PCDH10: variants seen among roughly 807,000 people sequenced by gnomAD.
PCDH10 encodes the protein protocadherin 10.
PCDH10 carries 15 observed loss-of-function variants against 74.4 expected under a neutral mutation model. That is an observed-to-expected ratio of 0.20 (90% confidence interval 0.13 to 0.31). The LOEUF is 0.31. Among genes scored for constraint, PCDH10 ranks in the 10% least tolerant of loss-of-function variants. The pLI is 1.00. For synonymous variants in PCDH10, 619 were observed against 589.8 expected, an observed-to-expected ratio of 1.05 and a Z score of -0.72; for missense variants, 1,260 against 1,390.2, an observed-to-expected ratio of 0.91 and a Z score of 1.49.
intron 1 of PCDH10, chr4:133,153,988 G>A (rs181638509): frequency 1.3e-4 from 31 of 247,608 alleles, no homozygotes; most frequent in Non-Finnish European, 1.9e-4. Flanking sequence ...ATATAAACAG[G>A]TTGACTCTGT....
chr4:133,155,090 G>A, intron 3 of PCDH10, 67 bp downstream of exon 3: 2 of 1,096,812 alleles, frequency 1.8e-6, no homozygotes, highest in Non-Finnish European at 2.8e-6. Flanking sequence ...AATAAACGTA[G>A]GAAGGATGAT....
At chr4:133,170,976 A>G (rs1727189939) in intron 4 of PCDH10, among the ~76,000 whole-genome samples, 1 of 151,484 alleles carries the variant, frequency 6.6e-6, no homozygotes, top group Non-Finnish European at 1.5e-5. Context: ...TCGCCCAGGT[A>G]GTCTATTTTT....
intron 4 of PCDH10, chr4:133,164,073 T>G (rs1217017214): frequency 2.4e-5 from 11 of 453,798 alleles, no homozygotes; most frequent in African/African-American, 6.0e-5. Context: ...TGGTGTTTTA[T>G]GAAGGATTGT....
chr4:133,172,357 T>C (rs10031568), intron 4 of PCDH10, among the ~76,000 whole-genome samples: 77,833 of 151,742 alleles, frequency 0.51, 20,439 homozygotes, highest in African/African-American at 0.61. Context: ...ACATATACTA[T>C]TTATATTCCC....
chr4:133,183,541 C>A (rs761892841), intron 4 of PCDH10, among the ~76,000 whole-genome samples: 18 of 152,082 alleles, frequency 1.2e-4, no homozygotes, highest in Non-Finnish European at 1.3e-4. Flanking sequence ...GCTGTTAAGT[C>A]TTTTGCATAG....
chr4:133,205,946 A>G (rs953864598), intron 2 of PCDH10, among the ~76,000 whole-genome samples: 1 of 152,080 alleles, frequency 6.6e-6, no homozygotes, highest in Non-Finnish European at 1.5e-5. Flanking sequence ...ATTATGTTAG[A>G]GACTTTTCTT....
intron 4 of PCDH10, among the ~76,000 whole-genome samples, chr4:133,164,889 A>T (rs1006628139): frequency 6.7e-6 from 1 of 150,210 alleles, no homozygotes; most frequent in Non-Finnish European, 1.5e-5. Context: ...AAAAATCAAA[A>T]GAATGCATCT....
At chr4:133,158,983 A>G (rs1420377695) in intron 3 of PCDH10, among the ~76,000 whole-genome samples, 2 of 152,116 alleles carry the variant, frequency 1.3e-5, no homozygotes, top group African/African-American at 4.8e-5. Flanking sequence ...AGTTATGTTA[A>G]TAACTATCTG....
Position 133,192,821 on chromosome 4 carries a change from G to C in PCDH10, c.*2661G>C, listed in dbSNP as rs1367158626. ...GTTAAAATGTTTTCTTCCAATGAGG[G>C]GGACTATAAAATGGAAAGTGCAACC... On this transcript the variant is annotated 3_prime_UTR_variant, in exon 5 of 5. Coordinates refer to ENST00000264360, the MANE Select transcript of PCDH10 (RefSeq NM_032961.3). 1 of 151,354 alleles carries C rather than the reference G, an allele frequency of 6.6e-6. No homozygotes were observed. Among genetic ancestry groups the C allele is most frequent in the Non-Finnish European group, 1.5e-5 (1 of 67,572 alleles). The allele number at this position is 151,354 out of a possible 1,614,324, so 9.4% of individuals were successfully genotyped here. A position where few individuals can be genotyped will look rare whatever the true frequency, so the allele number is the denominator to read the frequency against.
In PCDH10 at chr4:133,200,714, A is replaced by G. The variant is rs1353769593; in HGVS notation, n.438-7362A>G. Among the ~76,000 whole-genome samples, 11 of 152,278 alleles carry G rather than the reference A, an allele frequency of 7.2e-5. No homozygotes were observed. In the South Asian group the frequency reaches 8.3e-4, roughly 11 times the overall value. The stretch of plus-strand genomic sequence containing the variant: ...AAGAAAATGACACAAATATAAGTCA[A>G]CTCATGGAAGAACCTAACAATAAAC... On this transcript the variant is annotated intron_variant and non_coding_transcript_variant, in intron 2 of 2. Transcript: ENST00000511112.
At chr4:133,177,972 G>T (rs1007356267) in intron 4 of PCDH10, among the ~76,000 whole-genome samples, 1 of 152,086 alleles carries the variant, frequency 6.6e-6, no homozygotes, top group East Asian at 1.9e-4. Context: ...GATTTTTAAT[G>T]GATAGAGACC....
At chr4:133,187,352 T>G (rs1727564648) in intron 4 of PCDH10, among the ~76,000 whole-genome samples, 1 of 152,108 alleles carries the variant, frequency 6.6e-6, no homozygotes, top group Admixed American at 6.6e-5. Context: ...TAGGAGGACA[T>G]GCATAGGATA....
At chr4:133,207,569 GTT>G (rs70959803) in intron 2 of PCDH10, among the ~76,000 whole-genome samples, 2 of 150,582 alleles carry the variant, frequency 1.3e-5, no homozygotes, top group Non-Finnish European at 3.0e-5. Context: ...TATTTGTGAG[GTT>G]TTTTTTTCAA....
intron 4 of PCDH10, among the ~76,000 whole-genome samples, chr4:133,180,465 A>C (rs1727393045): frequency 6.6e-6 from 1 of 152,000 alleles, no homozygotes; most frequent in African/African-American, 2.4e-5. Context: ...GCATTGTAGT[A>C]ATGAATGGGT....
Position 133,193,157 on chromosome 4 carries a change from T to C in PCDH10, c.*2997T>C, listed in dbSNP as rs1578579119. 1 of 151,796 alleles carries C rather than the reference T, an allele frequency of 6.6e-6. No individual in the cohort carries two copies. The highest frequency in any genetic ancestry group is 2.1e-4 in the South Asian group (1 of 4,830). The allele number at this position is 151,796 out of a possible 1,614,324, so 9.4% of individuals were successfully genotyped here. The stretch of plus-strand genomic sequence containing the variant: ...AAGACAATTTTTAGAAAATATTTCA[T>C]CCACATGTAGAATTCTAATTTTTAA... On this transcript the variant is annotated 3_prime_UTR_variant, in exon 5 of 5. Transcript: ENST00000264360.
intron 4 of PCDH10, among the ~76,000 whole-genome samples, chr4:133,164,425 C>G (rs2125863769): frequency 6.6e-6 from 1 of 151,982 alleles, no homozygotes; most frequent in Non-Finnish European, 1.5e-5. Flanking sequence ...TTTTAAACAG[C>G]ATATTTAACT....
intron 2 of PCDH10, among the ~76,000 whole-genome samples, chr4:133,201,227 T>C (rs1221888851): frequency 1.3e-5 from 2 of 152,198 alleles, no homozygotes; most frequent in Non-Finnish European, 2.9e-5. Context: ...CAACTTACTT[T>C]AACTAATTTA....
chr4:133,157,679 G>A (rs1206385766), intron 3 of PCDH10, among the ~76,000 whole-genome samples: 1 of 152,012 alleles, frequency 6.6e-6, no homozygotes, highest in African/African-American at 2.4e-5. Flanking sequence ...AGACTATTTA[G>A]CTTAGTGCTT....
chr4:133,160,896 AT>A (rs1219468560), intron 3 of PCDH10, among the ~76,000 whole-genome samples: 1 of 152,058 alleles, frequency 6.6e-6, no homozygotes, highest in Non-Finnish European at 1.5e-5. Context: ...TATTAAAAAA[AT>A]CTATGTTCCC....
Sources: gnomAD v4.1 joint callset for allele counts (sites outside exome capture counted in the v4.1 genomes callset) on GRCh38, gnomAD v4.1.1 for gene constraint, MANE v1.5 for transcripts, NCBI Gene and HGNC (gene_info 2026-07-23, HGNC 2026-07-21) for gene names.